Variants in DISC1 observed in about 807,000 individuals in gnomAD.
DISC1 encodes the protein DISC1 scaffold protein.
In DISC1, 57 loss-of-function variants were observed where a neutral mutation model predicts 84.5. That is an observed-to-expected ratio of 0.67 (90% CI 0.55 to 0.84). DISC1 has a LOEUF of 0.84. DISC1 is among the 40% of genes least tolerant of loss of function. The pLI is 0.00. For missense variants in DISC1, 1,000 were observed against 1,057.8 expected (o/e 0.95, Z 0.76); for synonymous variants, 411 against 415.2 (o/e 0.99, Z 0.12).
chr1:231,981,591 A>G (rs1663614721), intron 10 of DISC1, among the ~76,000 whole-genome samples: 1 of 152,266 alleles, frequency 6.6e-6, no homozygotes, highest in Admixed American at 6.5e-5. Context: ...AGATGAAGAA[A>G]TGAAAACATA....
intron 9 of DISC1, among the ~76,000 whole-genome samples, chr1:231,898,214 A>G (rs1005307651): frequency 6.6e-6 from 1 of 152,236 alleles, no homozygotes; most frequent in African/African-American, 2.4e-5. Flanking sequence ...AATATTTCTT[A>G]CAATTACACA....
intron 1 of DISC1, among the ~76,000 whole-genome samples, chr1:231,693,608 G>A (rs1281312738): frequency 1.3e-5 from 2 of 152,208 alleles, no homozygotes; most frequent in Non-Finnish European, 2.9e-5. Context: ...CCGAGGAGCT[G>A]AGATGCTGTG....
intron 9 of DISC1, among the ~76,000 whole-genome samples, chr1:231,905,333 G>A (rs957126752): frequency 6.6e-6 from 1 of 152,202 alleles, no homozygotes; most frequent in African/African-American, 2.4e-5. Flanking sequence ...TCAAGGAATG[G>A]CCAGGCTGTA....
intron 9 of DISC1, among the ~76,000 whole-genome samples, chr1:231,914,681 C>A (rs771627162): frequency 1.1e-4 from 16 of 152,182 alleles, no homozygotes; most frequent in African/African-American, 3.4e-4. Context: ...GGGACACGAG[C>A]AAATGCTTGT....
At chr1:231,652,330 TGTGTTATTATC>T (rs2125296887) in intron 1 of DISC1, among the ~76,000 whole-genome samples, 1 of 152,354 alleles carries the variant, frequency 6.6e-6, no homozygotes, top group East Asian at 1.9e-4. Flanking sequence ...TTGTTATTAT[TGTGTTATTATC>T]GTTATTATCA....
rs375189452 is a variant in DISC1, at chr1:231,780,952, T to C, written c.1634+9882T>C. ...GCATATTCTCACTCATAGGTGGGAA[T>C]TGAACAATGAGATCACATGGACACA... is the stretch of plus-strand genomic sequence containing the variant. On this transcript the variant is annotated intron_variant, in intron 6 of 12. Transcript: ENST00000439617. 8.0e-4 allele frequency among the ~76,000 whole-genome samples: 89 copies of C among 110,998 alleles called. 1 individual carries two copies. In the Middle Eastern group the frequency reaches 0.015, roughly 19 times the overall value. The allele number at this position is 110,998 out of a possible 152,430, so 72.8% of individuals were successfully genotyped here. A position where few individuals can be genotyped will look rare whatever the true frequency, so the allele number is the denominator to read the frequency against.
At chr1:231,769,290 A>G (rs1194585587) in intron 5 of DISC1, among the ~76,000 whole-genome samples, 1 of 152,218 alleles carries the variant, frequency 6.6e-6, no homozygotes, top group Non-Finnish European at 1.5e-5. Flanking sequence ...AAAAAATTGA[A>G]TGCACAGACT....
intron 4 of DISC1, among the ~76,000 whole-genome samples, chr1:231,753,199 C>G (rs1214791825): frequency 2.0e-5 from 3 of 152,254 alleles, no homozygotes; most frequent in African/African-American, 7.2e-5. Context: ...ATTCCCCCTC[C>G]ATATTACCCT....
At chr1:231,677,377 T>C (rs2063256587) in intron 1 of DISC1, among the ~76,000 whole-genome samples, 2 of 152,318 alleles carry the variant, frequency 1.3e-5, no homozygotes, top group East Asian at 3.9e-4. Context: ...GGGAGAAAAT[T>C]CGTAGCTCTT....
At chr1:231,715,845 C>T (rs567728148) in intron 3 of DISC1, among the ~76,000 whole-genome samples, 5 of 152,110 alleles carry the variant, frequency 3.3e-5, no homozygotes, top group South Asian at 4.2e-4. Context: ...AACAAAGAGC[C>T]GTGAAATGTT....
At chr1:231,990,837 C>A (rs930065465) in intron 10 of DISC1, among the ~76,000 whole-genome samples, 2 of 152,204 alleles carry the variant, frequency 1.3e-5, no homozygotes, top group African/African-American at 4.8e-5. Context: ...CTGCTCCTAA[C>A]TTTGTCATAG....
chr1:231,718,883 A>G (rs1273988507), intron 3 of DISC1, among the ~76,000 whole-genome samples: 1 of 152,174 alleles, frequency 6.6e-6, no homozygotes. Flanking sequence ...TCATGCCACA[A>G]TCCTAGCTTT....
chr1:231,983,722 C>G (rs1364469097), intron 10 of DISC1, among the ~76,000 whole-genome samples: 1 of 151,880 alleles, frequency 6.6e-6, no homozygotes, highest in Non-Finnish European at 1.5e-5. Context: ...AAACTTAATA[C>G]TGTGTCAGCT....
At chr1:231,806,127 T>C (rs1439908921) in intron 8 of DISC1, among the ~76,000 whole-genome samples, 3 of 152,320 alleles carry the variant, frequency 2.0e-5, no homozygotes, top group South Asian at 4.1e-4. Flanking sequence ...AGTATATTAA[T>C]ACATGAGATA....
intron 3 of DISC1, chr1:231,722,584 G>C: frequency 1.2e-6 from 2 of 1,614,162 alleles, no homozygotes; most frequent in Non-Finnish European, 1.7e-6. Flanking sequence ...TCGACATCCT[G>C]AACCAAACTC....
chr1:231,865,862 T>C (rs976392333), intron 9 of DISC1, among the ~76,000 whole-genome samples: 3 of 152,206 alleles, frequency 2.0e-5, no homozygotes, highest in East Asian at 1.9e-4. Flanking sequence ...TCAGAAGATA[T>C]GGCAGCTTAG....
At chr1:231,899,383 G>C (rs2087970237) in intron 9 of DISC1, among the ~76,000 whole-genome samples, 1 of 152,150 alleles carries the variant, frequency 6.6e-6, no homozygotes, top group Non-Finnish European at 1.5e-5. Flanking sequence ...ACCACATTCT[G>C]AGAACCACTG....
At chr1:231,636,371 A>T (rs2059200903) in intron 1 of DISC1, among the ~76,000 whole-genome samples, 1 of 152,130 alleles carries the variant, frequency 6.6e-6, no homozygotes, top group Non-Finnish European at 1.5e-5. Context: ...ATTGGCCCAG[A>T]ACTCATGATC....
rs540949948 is a variant in DISC1 at position 231,959,102 on chromosome 1, A to G, written c.2042+214A>G. 5.1e-4 allele frequency: 656 copies of G among 1,282,432 alleles called. 10 individuals are homozygous for G. In the South Asian group the frequency reaches 0.013, roughly 25 times the overall value. 79.4% of individuals were successfully genotyped at this position (1,282,432 alleles called of 1,614,324 possible). Reference sequence around the variant, plus strand: ...AAGTAAGTAGATTAAGATGTTTAAAAGTGTCTTGGAGAGATCACAGGAGAG... The same window carrying G: ...AAGTAAGTAGATTAAGATGTTTAAAGGTGTCTTGGAGAGATCACAGGAGAG... On this transcript the variant is annotated intron_variant, in intron 10 of 12. Transcript: ENST00000439617.
Sources: gnomAD v4.1 joint callset for allele counts (sites outside exome capture counted in the v4.1 genomes callset) on GRCh38, gnomAD v4.1.1 for gene constraint, MANE v1.5 for transcripts, NCBI Gene and HGNC (gene_info 2026-07-23, HGNC 2026-07-21) for gene names.